PDE10A: variants seen among roughly 807,000 people sequenced by gnomAD.
The protein encoded by PDE10A is phosphodiesterase 10A.
PDE10A carries 39 observed loss-of-function variants against 97.7 expected under a neutral mutation model. The ratio of observed to expected loss-of-function variants is 0.40; its 90% confidence interval spans 0.31 to 0.52. PDE10A has a LOEUF of 0.52. Ranked by LOEUF, PDE10A falls within the 20% of genes least tolerant of loss-of-function variation. The pLI is 0.56. For missense variants in PDE10A, 731 were observed against 1,047.8 expected (o/e 0.70, Z 4.17); for synonymous variants, 371 against 376.8 (o/e 0.98, Z 0.18).
At position 165,662,103 on chromosome 6, in the gene PDE10A, C is replaced by A. The variant is rs536757784; in HGVS notation, c.709G>T (p.Gly237Cys). ...RAGSPGFPGA[G>C]PGGGGQTPRR... ...GGAGTTTGGCCGCCGCCGCCTGGGC[C>A]GGCGCCGGGGAAGCCGGGGGAGCCC... is the stretch of plus-strand genomic sequence containing the variant. The change falls in exon 1 of 22, where the codon GGC becomes TGC. Residue 237 changes from glycine (G) to cysteine (C), a missense_variant. Gly to Cys is a radical substitution (Grantham distance 159, BLOSUM62 -3). Transcript: ENST00000539869. 9.0e-7 allele frequency: 1 copy of A among 1,107,072 alleles called. No homozygotes were observed. Among genetic ancestry groups the A allele is most frequent in the South Asian group, 3.7e-5 (1 of 26,998 alleles). 68.6% of individuals were successfully genotyped at this position (1,107,072 alleles called of 1,614,324 possible).
intron 1 of PDE10A, among the ~76,000 whole-genome samples, chr6:165,813,693 T>C (rs1779338011): frequency 6.6e-6 from 1 of 152,196 alleles, no homozygotes; most frequent in African/African-American, 2.4e-5. Context: ...GTAATTTTAA[T>C]TTATTCAGTG....
chr6:165,828,213 T>A (rs966385124), intron 1 of PDE10A, among the ~76,000 whole-genome samples: 3 of 152,254 alleles, frequency 2.0e-5, no homozygotes, highest in African/African-American at 7.2e-5. Flanking sequence ...ATTAGAAGTG[T>A]GAATTATTCC....
intron 1 of PDE10A, among the ~76,000 whole-genome samples, chr6:165,723,273 T>C (rs1217647849): frequency 6.6e-6 from 1 of 152,266 alleles, no homozygotes; most frequent in African/African-American, 2.4e-5. Context: ...TTCTGAGCTT[T>C]GCTCTCGACA....
At chr6:165,681,252 T>C (rs1790969456) in intron 1 of PDE10A, among the ~76,000 whole-genome samples, 1 of 152,194 alleles carries the variant, frequency 6.6e-6, no homozygotes. Flanking sequence ...CAAATATATT[T>C]GCTGTGCAAA....
intron 1 of PDE10A, among the ~76,000 whole-genome samples, chr6:165,826,625 TA>T (rs1257363501): frequency 6.6e-6 from 1 of 151,364 alleles, no homozygotes; most frequent in Non-Finnish European, 1.5e-5. Context: ...GCTGGAACCA[TA>T]GGGGTGGTGC....
intron 1 of PDE10A, among the ~76,000 whole-genome samples, chr6:165,952,696 G>A (rs905535466): frequency 3.3e-5 from 5 of 152,200 alleles, no homozygotes; most frequent in South Asian, 2.1e-4. Context: ...GACGGAAAGC[G>A]CAGCTGCCCT....
At chr6:165,598,084 AAG>A (rs1786710727) in intron 1 of PDE10A, among the ~76,000 whole-genome samples, 2 of 152,184 alleles carry the variant, frequency 1.3e-5, no homozygotes, top group Admixed American at 6.5e-5. Flanking sequence ...CTCTAATTTT[AAG>A]AGAGTCTTTT....
intron 18 of PDE10A, among the ~76,000 whole-genome samples, chr6:165,364,225 C>T (rs1783616379): frequency 6.6e-6 from 1 of 152,090 alleles, no homozygotes; most frequent in Admixed American, 6.5e-5. Flanking sequence ...GGAGGTGGGA[C>T]TTTTGGAAGG....
At chr6:165,357,752 T>TC (rs398110922) in intron 18 of PDE10A, among the ~76,000 whole-genome samples, 2 of 151,908 alleles carry the variant, frequency 1.3e-5, no homozygotes, top group Admixed American at 6.6e-5. Flanking sequence ...TTCTTTTTTT[T>TC]CCTTAATTAG....
chr6:165,714,664 A>G (rs1002887114), intron 1 of PDE10A, among the ~76,000 whole-genome samples: 8 of 152,306 alleles, frequency 5.3e-5, no homozygotes, highest in Non-Finnish European at 1.0e-4. Flanking sequence ...CCAAGGAGTG[A>G]GTTTCAGTCA....
At chr6:165,657,403 GT>G (rs1790019958) in intron 1 of PDE10A, among the ~76,000 whole-genome samples, 2 of 152,312 alleles carry the variant, frequency 1.3e-5, no homozygotes, top group South Asian at 4.1e-4. Flanking sequence ...ACAACTAAGA[GT>G]TTTCCTTTTA....
chr6:165,623,102 C>T (rs980780827), intron 1 of PDE10A, among the ~76,000 whole-genome samples: 2 of 152,138 alleles, frequency 1.3e-5, no homozygotes, highest in East Asian at 1.9e-4. Context: ...GACCCATGAG[C>T]CAATTAAACC....
intron 1 of PDE10A, among the ~76,000 whole-genome samples, chr6:165,586,054 T>C (rs144407951): frequency 6.6e-6 from 1 of 152,202 alleles, no homozygotes; most frequent in African/African-American, 2.4e-5. Context: ...CACTAATCAA[T>C]CTTATTTGTC....
intron 1 of PDE10A, among the ~76,000 whole-genome samples, chr6:165,619,429 A>AGTG (rs1293736871): frequency 1.1e-4 from 2 of 18,824 alleles, no homozygotes; most frequent in African/African-American, 3.8e-4. Flanking sequence ...GTAGTGTAGT[A>AGTG]TAGTGTAGTG....
At chr6:165,341,583 C>CT (rs1245345237) in intron 19 of PDE10A, among the ~76,000 whole-genome samples, 7 of 152,068 alleles carry the variant, frequency 4.6e-5, no homozygotes, top group African/African-American at 1.2e-4. Context: ...ATTTCCTTTT[C>CT]TTTTTTTGCA....
At chr6:165,600,479 G>A (rs189146756) in intron 1 of PDE10A, among the ~76,000 whole-genome samples, 17 of 152,338 alleles carry the variant, frequency 1.1e-4, no homozygotes, top group Admixed American at 4.6e-4. Context: ...GGCTGTGCAC[G>A]CACATACACA....
chr6:165,432,584 G>C (rs1300512741), intron 7 of PDE10A, among the ~76,000 whole-genome samples: 2 of 152,152 alleles, frequency 1.3e-5, no homozygotes, highest in African/African-American at 2.4e-5. Context: ...ATAGTGAATG[G>C]AATTCAAATG....
chr6:165,759,286 C>G (rs1793196808), intron 1 of PDE10A, among the ~76,000 whole-genome samples: 1 of 94,904 alleles, frequency 1.1e-5, no homozygotes, highest in Non-Finnish European at 3.1e-5. Context: ...GAGCCACATC[C>G]TAACAGAGAG....
chr6:165,671,534 C>T lies in PDE10A; in HGVS notation c.-614-127966G>A, dbSNP rs1051733589. On this transcript the variant is annotated intron_variant, in intron 1 of 19. Transcript: ENST00000366882. The surrounding 1 kb of genome is among the most constrained non-coding windows in gnomAD (Gnocchi z 4.6). ...CCGTTGGCTGCTGTGTATATCTCTC[C>T]ATGACTGTGTTCAGCATGACTGCAC... 2.6e-5 allele frequency among the ~76,000 whole-genome samples: 4 copies of T among 152,166 alleles called. No homozygotes were observed. Among genetic ancestry groups the T allele is most frequent in the African/African-American group, 9.7e-5 (4 of 41,442 alleles).
Sources: allele counts gnomAD v4.1 joint callset (sites outside exome capture counted in the v4.1 genomes callset), GRCh38; gene constraint gnomAD v4.1.1; non-coding constraint Gnocchi (gnomAD v3.1); transcripts MANE v1.5; gene names NCBI Gene and HGNC (gene_info 2026-07-23, HGNC 2026-07-21).